ST8SIA1: variants seen among roughly 807,000 people sequenced by gnomAD.
The protein encoded by ST8SIA1 is alpha-N-acetylneuraminide alpha-2,8-sialyltransferase.
In ST8SIA1, 16 loss-of-function variants were observed where a neutral mutation model predicts 35.9. That is an observed-to-expected ratio of 0.45 (90% CI 0.30 to 0.68). The LOEUF (loss-of-function observed/expected upper bound fraction) is 0.68, where lower values mean the gene tolerates loss of function less well. Ranked by LOEUF, ST8SIA1 falls within the 30% of genes least tolerant of loss-of-function variation. The pLI is 0.09. For synonymous variants in ST8SIA1, 170 were observed against 169.6 expected, an observed-to-expected ratio of 1.00 and a Z score of -0.02; for missense variants, 383 against 453.6, an observed-to-expected ratio of 0.84 and a Z score of 1.41.
intron 4 of ST8SIA1, among the ~76,000 whole-genome samples, chr12:22,217,117 A>G (rs1865242201): frequency 6.6e-6 from 1 of 152,156 alleles, no homozygotes; most frequent in Non-Finnish European, 1.5e-5. Flanking sequence ...ACCATTTTTA[A>G]TATCAGGAAT....
At chr12:22,282,216 C>G (rs1041236484) in intron 2 of ST8SIA1, among the ~76,000 whole-genome samples, 1 of 152,076 alleles carries the variant, frequency 6.6e-6, no homozygotes, top group Non-Finnish European at 1.5e-5. Flanking sequence ...GGTTTCACAT[C>G]CCAGCCCTTC....
intron 2 of ST8SIA1, among the ~76,000 whole-genome samples, chr12:22,276,079 C>A (rs1373657941): frequency 6.6e-6 from 1 of 152,156 alleles, no homozygotes; most frequent in East Asian, 1.9e-4. Context: ...CAGCACAACA[C>A]TGGGGAGTGA....
intron 1 of ST8SIA1, among the ~76,000 whole-genome samples, chr12:22,327,974 G>C (rs1866703355): frequency 6.6e-6 from 1 of 152,208 alleles, no homozygotes. Flanking sequence ...CAAATCAATG[G>C]TTCTCAGTCA....
At position 22,198,469 on chromosome 12, in the gene ST8SIA1, CCTTA is replaced by C. The variant is rs1865013231; in HGVS notation, c.*3079_*3082del. On this transcript the variant is annotated 3_prime_UTR_variant, in exon 5 of 5. Coordinates refer to ENST00000396037, the MANE Select transcript of ST8SIA1 (RefSeq NM_003034.4). ...CTCTACAGGATGATTCTAGCGAGGT[CCTTA>C]CTTAGGAACACATAGCACAGTTAAG... The C allele has an allele frequency of 6.7e-6, 1 of 150,020 alleles. No individual in the cohort carries two copies. The allele number at this position is 150,020 out of a possible 1,614,324, so 9.3% of individuals were successfully genotyped here.
At chr12:22,286,505 C>T in intron 2 of ST8SIA1, 1 of 518,780 alleles carries the variant, frequency 1.9e-6, no homozygotes, top group Non-Finnish European at 3.8e-6. Context: ...CTAAGATCTC[C>T]CCTCCCCAAA....
chr12:22,287,512 GA>G (rs1866116052), intron 1 of ST8SIA1, among the ~76,000 whole-genome samples: 1 of 146,052 alleles, frequency 6.8e-6, no homozygotes, highest in African/African-American at 2.5e-5. Flanking sequence ...AAAAGTTTAA[GA>G]AAAATACATC....
rs577152683 is a variant in ST8SIA1, at chr12:22,200,072, T to C, written c.*1480A>G. The C allele has an allele frequency of 7.2e-5, 11 of 152,346 alleles. No homozygotes were observed. The highest frequency in any genetic ancestry group is 2.2e-4 in the African/African-American group (9 of 41,574). The allele number at this position is 152,346 out of a possible 1,614,324, so 9.4% of individuals were successfully genotyped here. A position where few individuals can be genotyped will look rare whatever the true frequency, so the allele number is the denominator to read the frequency against. On this transcript the variant is annotated 3_prime_UTR_variant, in exon 5 of 5. Coordinates refer to ENST00000396037, the MANE Select transcript of ST8SIA1 (RefSeq NM_003034.4). Reference sequence around the variant, plus strand: ...TCCTACCTGCTACTAAGGAAATAAATAGCTACTAATTCACATTTCTTTACT... The same window carrying C: ...TCCTACCTGCTACTAAGGAAATAAACAGCTACTAATTCACATTTCTTTACT...
chr12:22,267,082 T>C (rs1278332977), intron 2 of ST8SIA1, among the ~76,000 whole-genome samples: 8 of 152,212 alleles, frequency 5.3e-5, no homozygotes, highest in Non-Finnish European at 7.3e-5. Flanking sequence ...CAAGTATTTA[T>C]TGAGTGCCAA....
intron 2 of ST8SIA1, among the ~76,000 whole-genome samples, chr12:22,272,037 C>A (rs551796569): frequency 6.6e-6 from 1 of 152,310 alleles, no homozygotes; most frequent in South Asian, 2.1e-4. Context: ...TCTTATAAAT[C>A]CTTACCACTG....
At chr12:22,267,919 T>G (rs773680652) in intron 2 of ST8SIA1, among the ~76,000 whole-genome samples, 11 of 152,152 alleles carry the variant, frequency 7.2e-5, no homozygotes, top group Non-Finnish European at 1.5e-4. Flanking sequence ...TATGTCATCT[T>G]CCAGGATTGG....
chr12:22,325,565 T>C, intron 1 of ST8SIA1: 1 of 687,670 alleles, frequency 1.5e-6, no homozygotes. Flanking sequence ...TGTTACTTGG[T>C]TTCTTACTGA....
At chr12:22,279,832 G>C (rs1866013572) in intron 2 of ST8SIA1, among the ~76,000 whole-genome samples, 1 of 152,154 alleles carries the variant, frequency 6.6e-6, no homozygotes, top group Non-Finnish European at 1.5e-5. Context: ...TTCAGGGTCG[G>C]TCTCTTCAAT....
At chr12:22,322,548 A>G (rs1000359327) in intron 1 of ST8SIA1, among the ~76,000 whole-genome samples, 4 of 152,238 alleles carry the variant, frequency 2.6e-5, no homozygotes, top group East Asian at 1.9e-4. Flanking sequence ...TATTCATCCA[A>G]TACTCATTAG....
At chr12:22,293,076 A>T (rs1254582528) in intron 1 of ST8SIA1, among the ~76,000 whole-genome samples, 1 of 152,256 alleles carries the variant, frequency 6.6e-6, no homozygotes, top group Non-Finnish European at 1.5e-5. Context: ...ACTAAGAAAC[A>T]AACACTTGTC....
At chr12:22,205,449 T>C (rs1865096574) in intron 4 of ST8SIA1, among the ~76,000 whole-genome samples, 1 of 152,114 alleles carries the variant, frequency 6.6e-6, no homozygotes, top group Non-Finnish European at 1.5e-5. Context: ...GACAAAAGTA[T>C]AGCACATTTT....
At chr12:22,296,355 T>C (rs979900356) in intron 1 of ST8SIA1, among the ~76,000 whole-genome samples, 8 of 152,254 alleles carry the variant, frequency 5.3e-5, no homozygotes, top group Non-Finnish European at 1.0e-4. Context: ...GAAGTTGCAA[T>C]GGAGGGTGTG....
In ST8SIA1 at chr12:22,224,950, T is replaced by C. The variant is rs549160710; in HGVS notation, c.585-22912A>G. Among the ~76,000 whole-genome samples, 163 of 152,276 alleles carry C rather than the reference T, an allele frequency of 1.1e-3. 1 individual carries two copies. Among genetic ancestry groups the C allele is most frequent in the African/African-American group, 3.6e-3 (151 of 41,562 alleles). On this transcript the variant is annotated intron_variant, in intron 4 of 4. Coordinates refer to ENST00000396037, the MANE Select transcript of ST8SIA1 (RefSeq NM_003034.4). ...TTAGGGTGAGCCCTGATCCAATGAC[T>C]GGCAGCCTTATAAAAAGAAAAAACA...
intron 4 of ST8SIA1, among the ~76,000 whole-genome samples, chr12:22,222,761 AG>A (rs1268382676): frequency 2.0e-5 from 3 of 151,898 alleles, no homozygotes; most frequent in African/African-American, 7.2e-5. Flanking sequence ...TTTAATATTA[AG>A]TAAGATTCTA....
intron 4 of ST8SIA1, among the ~76,000 whole-genome samples, 176 bp from the exon 5 acceptor site, chr12:22,202,214 T>C (rs1477407415): frequency 2.6e-5 from 4 of 152,186 alleles, no homozygotes; most frequent in Admixed American, 6.5e-5. Flanking sequence ...TCTCATCAAA[T>C]AGCCTGACTT....
Sources: gnomAD v4.1 joint callset for allele counts (sites outside exome capture counted in the v4.1 genomes callset) on GRCh38, gnomAD v4.1.1 for gene constraint, MANE v1.5 for transcripts, NCBI Gene and HGNC (gene_info 2026-07-23, HGNC 2026-07-21) for gene names.